ATP2B1: variants seen among roughly 807,000 people sequenced by gnomAD.
ATP2B1 encodes ATPase plasma membrane Ca2+ transporting 1.
ATP2B1 carries 14 observed loss-of-function variants against 124.2 expected under a neutral mutation model. The observed-to-expected ratio is 0.11, with a 90% CI of 0.07 to 0.18. ATP2B1 has a LOEUF of 0.18. ATP2B1 is among the 10% of genes least tolerant of loss of function. The pLI is 1.00. For synonymous variants in ATP2B1, 449 were observed against 492.4 expected (o/e 0.91, Z 1.17); for missense variants, 763 against 1,466.1 (o/e 0.52, Z 7.83).
At chr12:89,661,215 G>A (rs550801240) in intron 1 of ATP2B1, among the ~76,000 whole-genome samples, 4 of 152,012 alleles carry the variant, frequency 2.6e-5, no homozygotes, top group South Asian at 2.1e-4. Flanking sequence ...CTTATTCCCC[G>A]GACCCAAATA....
At chr12:89,618,783 T>C (rs923471645) in intron 11 of ATP2B1, among the ~76,000 whole-genome samples, 1 of 152,196 alleles carries the variant, frequency 6.6e-6, no homozygotes, top group Non-Finnish European at 1.5e-5. Context: ...CCCAAAAACT[T>C]TGTACCAATT....
intron 9 of ATP2B1, among the ~76,000 whole-genome samples, chr12:89,623,354 CTTTTT>C (rs112050233): frequency 1.4e-5 from 2 of 144,520 alleles, no homozygotes; most frequent in Non-Finnish European, 3.0e-5. Context: ...CAAGCTACAT[CTTTTT>C]TTTTTTTATT....
At chr12:89,640,459 C>T (rs916097243) in intron 3 of ATP2B1, among the ~76,000 whole-genome samples, 11 of 152,182 alleles carry the variant, frequency 7.2e-5, no homozygotes, top group East Asian at 5.8e-4. Context: ...ATAATTTTGC[C>T]GCTCAATATG....
At chr12:89,703,170 C>T (rs544869728) in intron 1 of ATP2B1, among the ~76,000 whole-genome samples, 184 of 152,110 alleles carry the variant, frequency 1.2e-3, no homozygotes, top group African/African-American at 4.2e-3. Flanking sequence ...AGGCTATTTG[C>T]TATACTGTTA....
At chr12:89,598,219 G>C (rs12099566) in intron 20 of ATP2B1, among the ~76,000 whole-genome samples, 1 of 152,090 alleles carries the variant, frequency 6.6e-6, no homozygotes, top group Non-Finnish European at 1.5e-5. Context: ...GGTTCTGTTA[G>C]ATGAGTTTCA....
At chr12:89,640,519 A>G (rs1883343307) in intron 3 of ATP2B1, among the ~76,000 whole-genome samples, 1 of 152,146 alleles carries the variant, frequency 6.6e-6, no homozygotes, top group Admixed American at 6.5e-5. Context: ...TCTCAGAAAA[A>G]CTGATTTATG....
intron 11 of ATP2B1, among the ~76,000 whole-genome samples, chr12:89,619,109 T>C (rs952079188): frequency 1.3e-4 from 20 of 152,164 alleles, no homozygotes; most frequent in African/African-American, 7.2e-5. Flanking sequence ...TTAAAGCTAC[T>C]GATCTGTAAA....
intron 1 of ATP2B1, among the ~76,000 whole-genome samples, chr12:89,697,690 T>TTA (rs1399094984): frequency 2.1e-5 from 2 of 95,578 alleles, no homozygotes; most frequent in African/African-American, 8.0e-5. Context: ...TTTTTTTTTT[T>TTA]AAATATTAGC....
At chr12:89,601,181 A>T (rs924611965) in intron 19 of ATP2B1, 145 bp downstream of exon 19, 2 of 587,320 alleles carry the variant, frequency 3.4e-6, no homozygotes, top group East Asian at 3.2e-5. Flanking sequence ...ATACGACATT[A>T]AAAAAACTTA....
At chr12:89,597,545 A>C (rs1242189196) in intron 20 of ATP2B1, among the ~76,000 whole-genome samples, 2 of 152,154 alleles carry the variant, frequency 1.3e-5, no homozygotes, top group Non-Finnish European at 2.9e-5. Flanking sequence ...ACAGGCATTA[A>C]GTGGAAAGTC....
chr12:89,625,896 C>T (rs1940802841), intron 8 of ATP2B1, among the ~76,000 whole-genome samples: 1 of 152,180 alleles, frequency 6.6e-6, no homozygotes, highest in Admixed American at 6.5e-5. Context: ...TTTATCCACA[C>T]AGTGTTCTTC....
At chr12:89,643,221 T>C (rs1592839616) in intron 2 of ATP2B1, among the ~76,000 whole-genome samples, 1 of 150,806 alleles carries the variant, frequency 6.6e-6, no homozygotes, top group African/African-American at 2.4e-5. Context: ...TGTGTATATA[T>C]GTATATACGT....
At chr12:89,681,012 T>G (rs1889284470) in intron 1 of ATP2B1, among the ~76,000 whole-genome samples, 1 of 152,258 alleles carries the variant, frequency 6.6e-6, no homozygotes, top group South Asian at 2.1e-4. Flanking sequence ...AGCAATACAT[T>G]GGAGCATTCC....
At chr12:89,653,725 T>C (rs1885595695) in intron 2 of ATP2B1, among the ~76,000 whole-genome samples, 1 of 152,244 alleles carries the variant, frequency 6.6e-6, no homozygotes, top group Admixed American at 6.5e-5. Context: ...GGTAAAATTT[T>C]CAGTTAACTT....
In ATP2B1 at chr12:89,705,913, A is replaced by G. The variant is rs1185842779; in HGVS notation, c.-222+2683T>C. 2.6e-5 allele frequency among the ~76,000 whole-genome samples: 4 copies of G among 152,352 alleles called. No individual in the cohort carries two copies. In the East Asian group the frequency reaches 7.7e-4, roughly 29 times the overall value. Reference sequence around the variant, plus strand: ...GTTGAATGAAACCTTAAATGCAGATAGAAGGGCAGTAATATTTTGCGGTTT... The same window carrying G: ...GTTGAATGAAACCTTAAATGCAGATGGAAGGGCAGTAATATTTTGCGGTTT... On this transcript the variant is annotated intron_variant, in intron 1 of 20. Coordinates refer to ENST00000428670, the MANE Select transcript of ATP2B1 (RefSeq NM_001366521.1).
chr12:89,665,171 T>A (rs951415014), intron 1 of ATP2B1, among the ~76,000 whole-genome samples: 3 of 152,234 alleles, frequency 2.0e-5, no homozygotes, highest in African/African-American at 7.2e-5. Flanking sequence ...GAAAGCAGAC[T>A]ACTTTCTAAA....
intron 5 of ATP2B1, among the ~76,000 whole-genome samples, chr12:89,632,760 A>G (rs897745072): frequency 1.3e-5 from 2 of 152,228 alleles, no homozygotes; most frequent in Non-Finnish European, 2.9e-5. Flanking sequence ...AAATAAATGC[A>G]GAAAAACTTT....
At chr12:89,626,433 A>G in intron 8 of ATP2B1, 21 bp downstream of exon 8, 1 of 1,566,764 alleles carries the variant, frequency 6.4e-7, no homozygotes, top group East Asian at 2.3e-5. Flanking sequence ...AAAACACTTT[A>G]TTTTCTTCTC....
At chr12:89,613,224 G>A (rs1042782820) in intron 12 of ATP2B1, among the ~76,000 whole-genome samples, 9 of 152,002 alleles carry the variant, frequency 5.9e-5, no homozygotes, top group East Asian at 1.9e-4. Context: ...CAGGCGATCC[G>A]TCTGCCTCAG....
Sources: gnomAD v4.1 joint callset for allele counts (sites outside exome capture counted in the v4.1 genomes callset) on GRCh38, gnomAD v4.1.1 for gene constraint, MANE v1.5 for transcripts, NCBI Gene and HGNC (gene_info 2026-07-23, HGNC 2026-07-21) for gene names.